Variants in NBEAL1 observed in about 807,000 individuals in gnomAD.
NBEAL1 encodes neurobeachin-like protein 1.
Under a neutral mutation model 351.3 loss-of-function variants are expected in NBEAL1, and 273 were observed. The ratio of observed to expected loss-of-function variants is 0.78; its 90% CI spans 0.70 to 0.86. The LOEUF (loss-of-function observed/expected upper bound fraction) is 0.86, where lower values mean the gene tolerates loss of function less well. NBEAL1 is among the 40% of genes least tolerant of loss of function. The pLI, the probability that NBEAL1 is intolerant of heterozygous loss-of-function variation, is 0.00. For synonymous variants in NBEAL1, 1,050 were observed against 1,086.4 expected (o/e 0.97, Z 0.66); for missense variants, 2,961 against 3,201.3 (o/e 0.92, Z 1.81).
intron 19 of NBEAL1, among the ~76,000 whole-genome samples, chr2:203,122,872 G>A (rs1163824649): frequency 1.3e-5 from 2 of 152,088 alleles, no homozygotes; most frequent in Non-Finnish European, 2.9e-5. Context: ...TTTGAAGGAA[G>A]GGTCACTGCT....
chr2:203,046,979 T>C (rs2061238146), intron 3 of NBEAL1, among the ~76,000 whole-genome samples: 1 of 152,108 alleles, frequency 6.6e-6, no homozygotes, highest in East Asian at 1.9e-4. Flanking sequence ...TTTCGAGACC[T>C]GCCTGACCAA....
Position 203,157,723 on chromosome 2 carries a change from G to T in NBEAL1, c.5612G>T (p.Ser1871Ile), listed in dbSNP as rs995834011. Residue 1871 changes from serine to isoleucine, a missense_variant, in exon 36 of 56, where the codon AGT becomes ATT. Coordinates refer to ENST00000683969, the MANE Select transcript of NBEAL1 (RefSeq NM_001378026.1). ...GGTATCCAACACTCACAGCCTTCCA[G>T]TGATACATTGCTTTTGGAAGTAGTG... is the stretch of plus-strand genomic sequence containing the variant. ...NLGIQHSQPS[S>I]DTLLLEVVKQ... The T allele has an allele frequency of 2.7e-5, 43 of 1,598,506 alleles. No homozygotes were observed. Among genetic ancestry groups the T allele is most frequent in the Non-Finnish European group, 3.5e-5 (41 of 1,173,912 alleles).
chr2:203,049,889 G>A lies in NBEAL1; in HGVS notation c.219G>A (p.Gln73=). ...ILQVLRIQLL[Q]CVQKMADGLE... ...AGGTTCTGAGGATCCAGCTTCTACAGTGTGTTCAGAAAATGGCAGATGGGT... is the reference window on the plus strand; with the variant it reads ...AGGTTCTGAGGATCCAGCTTCTACAATGTGTTCAGAAAATGGCAGATGGGT... Residue 73 remains glutamine, a synonymous_variant, in exon 4 of 56, where the codon CAG becomes CAA. Coordinates refer to ENST00000683969, the MANE Select transcript of NBEAL1 (RefSeq NM_001378026.1). The A allele has an allele frequency of 6.4e-7, 1 of 1,557,022 alleles. No individual in the cohort carries two copies. The highest frequency in any genetic ancestry group is 8.7e-7 in the Non-Finnish European group (1 of 1,148,484).
intron 19 of NBEAL1, among the ~76,000 whole-genome samples, chr2:203,123,388 G>A (rs1161563631): frequency 6.7e-6 from 1 of 149,026 alleles, no homozygotes; most frequent in African/African-American, 2.5e-5. Flanking sequence ...CCTGGCTGGA[G>A]TGCAGTGGAT....
intron 47 of NBEAL1, among the ~76,000 whole-genome samples, chr2:203,196,623 T>C (rs2065249181): frequency 6.6e-6 from 1 of 152,238 alleles, no homozygotes; most frequent in African/African-American, 2.4e-5. Context: ...TTATAATGAA[T>C]TTTATAATTT....
chr2:203,055,468 A>C (rs2061388643), intron 4 of NBEAL1, among the ~76,000 whole-genome samples: 1 of 152,042 alleles, frequency 6.6e-6, no homozygotes, highest in Non-Finnish European at 1.5e-5. Flanking sequence ...AGCCAGGCCT[A>C]GTGGCACATA....
intron 2 of NBEAL1, among the ~76,000 whole-genome samples, chr2:203,028,610 T>C (rs895068603): frequency 1.3e-5 from 2 of 151,268 alleles, no homozygotes; most frequent in African/African-American, 4.8e-5. Flanking sequence ...TTAAACTCCA[T>C]TTGACAAGTG....
chr2:203,086,004 AC>A (rs1423969396), intron 10 of NBEAL1: 1 of 152,246 alleles, frequency 6.6e-6, no homozygotes, highest in African/African-American at 2.4e-5. Context: ...GCAACCAGCT[AC>A]TTGATAGCTT....
chr2:203,144,568 TG>T (rs1346073450), intron 31 of NBEAL1, 31 bp from the exon 32 acceptor site: 1 of 1,566,268 alleles, frequency 6.4e-7, no homozygotes, highest in Non-Finnish European at 8.6e-7. Context: ...TGCTTTAGTC[TG>T]CTCTTTCTCA....
chr2:203,165,171 A>G (rs1253336052), intron 36 of NBEAL1, among the ~76,000 whole-genome samples: 7 of 152,052 alleles, frequency 4.6e-5, no homozygotes, highest in African/African-American at 1.7e-4. Flanking sequence ...AGGAGCTCCT[A>G]TTTCTATACT....
At chr2:203,191,689 A>G (rs574020959) in intron 46 of NBEAL1, among the ~76,000 whole-genome samples, 1 of 152,310 alleles carries the variant, frequency 6.6e-6, no homozygotes, top group East Asian at 1.9e-4. Flanking sequence ...CCTAGCCTAT[A>G]ATGCCTTTGA....
At chr2:203,196,014 A>C (rs1404269437) in intron 47 of NBEAL1, among the ~76,000 whole-genome samples, 2 of 152,234 alleles carry the variant, frequency 1.3e-5, no homozygotes, top group Non-Finnish European at 2.9e-5. Flanking sequence ...ACCAAAGGCC[A>C]GTCTTGCAAG....
intron 51 of NBEAL1, among the ~76,000 whole-genome samples, chr2:203,206,969 G>T (rs1485144550): frequency 6.6e-6 from 1 of 151,560 alleles, no homozygotes; most frequent in African/African-American, 2.4e-5. Flanking sequence ...CAACTAGGAA[G>T]TGAGGAGCGC....
intron 27 of NBEAL1, 88 bp from the exon 28 acceptor site, chr2:203,135,589 C>A: frequency 2.6e-6 from 2 of 776,312 alleles, no homozygotes; most frequent in African/African-American, 1.8e-5. Context: ...ATTAAATTAC[C>A]TTATCATTAA....
chr2:203,180,231 A>G (rs1169266609), intron 42 of NBEAL1, 151 bp from the exon 43 acceptor site: 2 of 556,508 alleles, frequency 3.6e-6, no homozygotes, highest in Admixed American at 3.6e-5. Flanking sequence ...CATAATAAGG[A>G]GAGTAAATTG....
chr2:203,083,361 T>A lies in NBEAL1; in HGVS notation c.827T>A (p.Val276Glu). 6.4e-7 allele frequency: 1 copy of A among 1,555,022 alleles called. No individual in the cohort carries two copies. Among genetic ancestry groups the A allele is most frequent in the East Asian group, 2.4e-5 (1 of 41,916 alleles). The change falls in exon 9 of 56, where the codon GTA (valine) becomes GAA (glutamate). Residue 276 changes from valine to glutamate, a missense_variant. By Grantham distance (121) the Val-to-Glu change is moderately radical. Coordinates refer to ENST00000683969, the MANE Select transcript of NBEAL1 (RefSeq NM_001378026.1). ...ELTLKCLTEV[V>E]HILLSSNSDQ... Reference sequence around the variant, plus strand: ...ACTCTGAAGTGCCTTACAGAAGTGGTACATATCCTTCTCAGTAGCAACTCT... The same window carrying A: ...ACTCTGAAGTGCCTTACAGAAGTGGAACATATCCTTCTCAGTAGCAACTCT...
intron 7 of NBEAL1, among the ~76,000 whole-genome samples, chr2:203,076,385 C>T (rs548086365): frequency 2.0e-5 from 3 of 150,402 alleles, no homozygotes; most frequent in Non-Finnish European, 3.0e-5. Flanking sequence ...CCTGGGAGGC[C>T]GAGGTGGGAG....
intron 40 of NBEAL1, 37 bp from the exon 41 acceptor site, chr2:203,172,692 G>C (rs184807364): frequency 1.3e-6 from 2 of 1,577,194 alleles, no homozygotes; most frequent in East Asian, 4.6e-5. Context: ...GCTTCTCTAG[G>C]AAGGAATGTC....
intron 41 of NBEAL1, among the ~76,000 whole-genome samples, chr2:203,174,216 CAAAAAAAAAAAAAA>C (rs10652390): frequency 3.3e-4 from 8 of 24,614 alleles, no homozygotes; most frequent in African/African-American, 6.4e-4. Flanking sequence ...TTTATACTAG[CAAAAAAAAAAAAAA>C]AAAAAAAAAA....
Sources: gnomAD v4.1 joint callset for allele counts (sites outside exome capture counted in the v4.1 genomes callset) on GRCh38, gnomAD v4.1.1 for gene constraint, MANE v1.5 for transcripts, NCBI Gene and HGNC (gene_info 2026-07-23, HGNC 2026-07-21) for gene names.